The following WDR41 variants were observed in gnomAD, a reference collection of about 807,000 sequenced individuals.
The protein encoded by WDR41 is WD repeat domain 41.
WDR41 carries 63 observed loss-of-function variants against 69.3 expected under a neutral mutation model. The observed-to-expected ratio is 0.91, with a 90% confidence interval of 0.74 to 1.12. WDR41 has a LOEUF of 1.12. WDR41 is among the 50% of genes most tolerant of loss of function. The pLI is 0.00. For missense variants in WDR41, 543 were observed against 534.5 expected, an observed-to-expected ratio of 1.02 and a Z score of -0.16; for synonymous variants, 185 against 192.1, an observed-to-expected ratio of 0.96 and a Z score of 0.31.
intron 1 of WDR41, among the ~76,000 whole-genome samples, chr5:77,619,980 T>A (rs761014836): frequency 6.6e-6 from 1 of 152,076 alleles, no homozygotes; most frequent in Non-Finnish European, 1.5e-5. Context: ...TACTGGTACT[T>A]TTTTTCCTAT....
intron 1 of WDR41, among the ~76,000 whole-genome samples, chr5:77,527,123 C>T (rs554386536): frequency 1.1e-4 from 16 of 152,008 alleles, no homozygotes; most frequent in African/African-American, 3.1e-4. Context: ...AATTCCAAGA[C>T]CTCCTAGCAA....
chr5:77,593,183 G>A (rs1744163051), intron 1 of WDR41, among the ~76,000 whole-genome samples: 1 of 152,144 alleles, frequency 6.6e-6, no homozygotes, highest in Non-Finnish European at 1.5e-5. Context: ...GAGGTAGGCA[G>A]GTGCCAGATT....
rs532935308 is a variant in WDR41, at chr5:77,475,575, C to G, written c.168-10766G>C. On this transcript the variant is annotated intron_variant, in intron 2 of 12. Transcript: ENST00000296679. The stretch of plus-strand genomic sequence containing the variant: ...AGAAGGGAGAGACTGACACCTCACA[C>G]GGCCGGGTACTCCAACAGACCTGCA... Among the ~76,000 whole-genome samples, 29 of 152,128 alleles carry G rather than the reference C, an allele frequency of 1.9e-4. 1 individual carries two copies. The South Asian group carries it at 5.8e-3, about 30-fold the overall frequency.
intron 1 of WDR41, among the ~76,000 whole-genome samples, chr5:77,544,841 A>G (rs1743157958): frequency 6.6e-6 from 1 of 152,082 alleles, no homozygotes; most frequent in Non-Finnish European, 1.5e-5. Flanking sequence ...TATACAGAAC[A>G]TTCCATCCAA....
intron 1 of WDR41, among the ~76,000 whole-genome samples, chr5:77,509,137 A>G (rs1395124068): frequency 1.3e-5 from 2 of 152,186 alleles, no homozygotes; most frequent in African/African-American, 4.8e-5. Context: ...ATTGTTCTCA[A>G]TATAATCTTT....
chr5:77,438,336 C>T lies in WDR41; in HGVS notation c.908G>A (p.Gly303Asp). The T allele has an allele frequency of 1.2e-6, 2 of 1,613,984 alleles. No homozygotes were observed. The highest frequency in any genetic ancestry group is 1.7e-6 in the Non-Finnish European group (2 of 1,179,896). ...EENVFAAVGR[G>D]LYVYSLQMKR... is the part of the protein sequence containing the mutation. Reference sequence around the variant, plus strand: ...CATTTGAAGGCTATACACGTATAAACCCCTTCCAACTGCAGCAAATACATT... The same window carrying T: ...CATTTGAAGGCTATACACGTATAAATCCCTTCCAACTGCAGCAAATACATT... Residue 303 changes from glycine to aspartate, a missense_variant, in exon 10 of 13, where the codon GGT becomes GAT. Transcript: ENST00000296679.
chr5:77,517,582 G>C (rs1316784822), intron 1 of WDR41, among the ~76,000 whole-genome samples: 1 of 147,290 alleles, frequency 6.8e-6, no homozygotes, highest in African/African-American at 2.5e-5. Flanking sequence ...TTTTCTGTTG[G>C]GACAACTAGA....
At chr5:77,483,538 C>G (rs1465823141) in intron 2 of WDR41, among the ~76,000 whole-genome samples, 1 of 148,558 alleles carries the variant, frequency 6.7e-6, no homozygotes, top group Non-Finnish European at 1.5e-5. Flanking sequence ...GCAACGTATG[C>G]ATTGATATAC....
intron 1 of WDR41, among the ~76,000 whole-genome samples, chr5:77,599,172 G>T (rs1744280734): frequency 1.4e-5 from 2 of 142,608 alleles, no homozygotes; most frequent in African/African-American, 2.6e-5. Flanking sequence ...CATTTACAAT[G>T]GTTATCTCTT....
intron 1 of WDR41, among the ~76,000 whole-genome samples, chr5:77,592,319 G>A (rs1210841874): frequency 6.6e-6 from 1 of 152,066 alleles, no homozygotes; most frequent in Non-Finnish European, 1.5e-5. Context: ...TACATTTAGT[G>A]TAACTATGAT....
intron 1 of WDR41, among the ~76,000 whole-genome samples, chr5:77,505,209 C>A (rs1009821472): frequency 7.2e-5 from 11 of 152,154 alleles, no homozygotes; most frequent in African/African-American, 2.7e-4. Flanking sequence ...GTGCAAAGAT[C>A]ACAAGCATTC....
At chr5:77,591,610 T>C (rs1012180349) in intron 1 of WDR41, among the ~76,000 whole-genome samples, 2 of 152,288 alleles carry the variant, frequency 1.3e-5, no homozygotes, top group African/African-American at 2.4e-5. Flanking sequence ...TATTATTGCA[T>C]AGCTCAATGT....
intron 1 of WDR41, among the ~76,000 whole-genome samples, chr5:77,532,486 G>A (rs1802541886): frequency 6.6e-6 from 1 of 152,066 alleles, no homozygotes; most frequent in Non-Finnish European, 1.5e-5. Context: ...TGAGCACCAA[G>A]AGTCTTGTAA....
chr5:77,580,162 T>A (rs1226462481), intron 1 of WDR41, among the ~76,000 whole-genome samples: 2 of 152,154 alleles, frequency 1.3e-5, no homozygotes, highest in Non-Finnish European at 2.9e-5. Flanking sequence ...GTGTATATGG[T>A]GTATTAGTTT....
At chr5:77,567,514 A>G (rs1170845305) in intron 1 of WDR41, among the ~76,000 whole-genome samples, 2 of 152,086 alleles carry the variant, frequency 1.3e-5, no homozygotes, top group Non-Finnish European at 2.9e-5. Context: ...CCATGTACAT[A>G]CCAACATTAC....
At chr5:77,542,405 C>T (rs1392538233) in intron 1 of WDR41, among the ~76,000 whole-genome samples, 1 of 152,070 alleles carries the variant, frequency 6.6e-6, no homozygotes, top group Non-Finnish European at 1.5e-5. Flanking sequence ...CAAACATGAA[C>T]ATCCTGCATG....
intron 11 of WDR41, among the ~76,000 whole-genome samples, chr5:77,436,738 G>A (rs143708613): frequency 1.8e-4 from 28 of 152,264 alleles, no homozygotes; most frequent in African/African-American, 6.3e-4. Flanking sequence ...ACAAGGCATA[G>A]GGGAAAAGCT....
intron 1 of WDR41, among the ~76,000 whole-genome samples, chr5:77,518,578 T>A (rs1343386107): frequency 6.6e-6 from 1 of 152,070 alleles, no homozygotes; most frequent in Non-Finnish European, 1.5e-5. Context: ...ATAGCACAGA[T>A]CAGAATCCAC....
intron 1 of WDR41, among the ~76,000 whole-genome samples, chr5:77,595,886 T>C (rs1218301197): frequency 6.6e-6 from 1 of 152,172 alleles, no homozygotes; most frequent in Non-Finnish European, 1.5e-5. Flanking sequence ...AAATAGACAA[T>C]TTTGTGGAAT....
Sources: allele counts gnomAD v4.1 joint callset (sites outside exome capture counted in the v4.1 genomes callset), GRCh38; gene constraint gnomAD v4.1.1; transcripts MANE v1.5; gene names NCBI Gene and HGNC (gene_info 2026-07-23, HGNC 2026-07-21).